The following GTF2H3 variants were observed in gnomAD, a reference collection of about 807,000 sequenced individuals.
GTF2H3 encodes the protein general transcription factor IIH subunit 3, also known as TFIIH basal transcription factor complex p34 subunit.
GTF2H3 carries 42 observed loss-of-function variants against 51.1 expected under a neutral mutation model. The ratio of observed to expected loss-of-function variants is 0.82; its 90% confidence interval spans 0.64 to 1.06. The LOEUF (loss-of-function observed/expected upper bound fraction) is 1.06. Among genes scored for constraint, GTF2H3 ranks in the 50% least tolerant of loss-of-function variants. The pLI, the probability that GTF2H3 is intolerant of heterozygous loss-of-function variation, is 0.00. For missense variants in GTF2H3, 326 were observed against 366.1 expected, an observed-to-expected ratio of 0.89 and a Z score of 0.89; for synonymous variants, 123 against 123.8, an observed-to-expected ratio of 0.99 and a Z score of 0.04.
At chr12:123,658,751 T>C (rs2135801639) in intron 9 of GTF2H3, among the ~76,000 whole-genome samples, 1 of 152,300 alleles carries the variant, frequency 6.6e-6, no homozygotes, top group South Asian at 2.1e-4. Context: ...TTTTTGTGCT[T>C]CCAAGGGCAC....
Position 123,652,844 on chromosome 12 carries a change from G to A in GTF2H3, c.486+109G>A, listed in dbSNP as rs538585506. 4.1e-4 allele frequency: 412 copies of A among 995,088 alleles called. 3 individuals carry two copies. The African/African-American group carries it at 6.0e-3, about 14-fold the overall frequency. 61.6% of individuals were successfully genotyped at this position (995,088 alleles called of 1,614,324 possible). On this transcript the variant is annotated intron_variant, in intron 7 of 12. Transcript: ENST00000543341. Reference sequence around the variant, plus strand: ...TGTTATCCCAGCACTTTGGGAGGCCGAGGTGGGCAGATCACTTGAGGTCAG... The same window carrying A: ...TGTTATCCCAGCACTTTGGGAGGCCAAGGTGGGCAGATCACTTGAGGTCAG...
chr12:123,640,200 C>G (rs1258920968), intron 2 of GTF2H3, among the ~76,000 whole-genome samples: 1 of 152,018 alleles, frequency 6.6e-6, no homozygotes, highest in African/African-American at 2.4e-5. Flanking sequence ...GTCCCACTCT[C>G]GACCACACCT....
rs985622002 is a variant in GTF2H3, at chr12:123,661,385, G to C, written c.*1150G>C. 6.6e-6 allele frequency: 1 copy of C among 152,172 alleles called. No individual in the cohort carries two copies. The highest frequency in any genetic ancestry group is 1.5e-5 in the Non-Finnish European group (1 of 68,072). 9.4% of individuals were successfully genotyped at this position (152,172 alleles called of 1,614,324 possible). On this transcript the variant is annotated 3_prime_UTR_variant, in exon 13 of 13. Transcript: ENST00000543341. Reference sequence around the variant, plus strand: ...AGGCCGGGCGTGGTGGCTCACCCCTGCAATCCCAGCACTTTGGGAGGCCGA... The same window carrying C: ...AGGCCGGGCGTGGTGGCTCACCCCTCCAATCCCAGCACTTTGGGAGGCCGA...
intron 9 of GTF2H3, among the ~76,000 whole-genome samples, chr12:123,657,219 C>A (rs1038438504): frequency 6.6e-6 from 1 of 151,842 alleles, no homozygotes; most frequent in Non-Finnish European, 1.5e-5. Flanking sequence ...TTGCACCAAC[C>A]TAATATAAAT....
At chr12:123,659,611 A>T in intron 10 of GTF2H3, 27 bp downstream of exon 10, 1 of 1,604,924 alleles carries the variant, frequency 6.2e-7, no homozygotes, top group Non-Finnish European at 8.5e-7. Context: ...GGCGACCCTG[A>T]TGCCTGGAGG....
chr12:123,638,609 C>G (rs956225539), intron 1 of GTF2H3, among the ~76,000 whole-genome samples: 2 of 151,894 alleles, frequency 1.3e-5, no homozygotes, highest in African/African-American at 2.4e-5. Flanking sequence ...CACACCTGGC[C>G]CTCGTTCAGT....
At position 123,633,888 on chromosome 12, in the gene GTF2H3, G is replaced by A. The variant is rs1955230608; in HGVS notation, c.13+16G>A. ...GTTTCAGACGGTGAGGACCCTGCAG[G>A]GCGGGACTTCGACTCCGGGGCTCGG... On this transcript the variant is annotated intron_variant, in intron 1 of 12. Transcript: ENST00000543341. The A allele has an allele frequency of 6.2e-7, 1 of 1,613,166 alleles. No homozygotes were observed. The highest frequency in any genetic ancestry group is 1.3e-5 in the African/African-American group (1 of 74,920).
At chr12:123,641,147 G>A (rs373618463) in intron 2 of GTF2H3, among the ~76,000 whole-genome samples, 17 of 151,656 alleles carry the variant, frequency 1.1e-4, no homozygotes, top group East Asian at 7.7e-4. Flanking sequence ...GCAAGACCCC[G>A]TCTCAAAAAA....
chr12:123,636,423 A>G (rs1955284210), intron 1 of GTF2H3, among the ~76,000 whole-genome samples: 1 of 152,262 alleles, frequency 6.6e-6, no homozygotes, highest in Non-Finnish European at 1.5e-5. Context: ...TGTAGAAGAC[A>G]GGACTGCAGG....
rs1256939506 is a variant in GTF2H3 at position 123,651,834 on chromosome 12, GA to G, written c.428-691del. On this transcript the variant is annotated intron_variant, in intron 5 of 12. Coordinates refer to ENST00000543341, the MANE Select transcript of GTF2H3 (RefSeq NM_001516.5). ...GACTACATCTCAAAAAAAAAAAAAA[GA>G]AAAAAAGATAAGCTGTAAAAACTGG... is the stretch of plus-strand genomic sequence containing the variant. Among the ~76,000 whole-genome samples, 16 of 149,136 alleles carry G rather than the reference GA, an allele frequency of 1.1e-4. No individual in the cohort carries two copies. In the South Asian group the frequency reaches 2.1e-3, roughly 20 times the overall value.
At chr12:123,647,875 T>G in intron 3 of GTF2H3, 88 bp from the exon 4 acceptor site, 1 of 798,004 alleles carries the variant, frequency 1.3e-6, no homozygotes, top group South Asian at 3.1e-5. Flanking sequence ...TAATTTTGTT[T>G]GTTGCCTCTG....
At chr12:123,655,872 AT>A in intron 9 of GTF2H3, 48 bp downstream of exon 9, 4 of 1,118,342 alleles carry the variant, frequency 3.6e-6, no homozygotes, top group Admixed American at 1.9e-5. Flanking sequence ...ACAATTAGTG[AT>A]TTTTATATTG....
In GTF2H3 at chr12:123,662,293, A is replaced by ATTTGTGT. The variant is rs1445223154; in HGVS notation, c.*2062_*2068dup. ...ATTTCAGATAGATTTTATATTCTGG[A>ATTTGTGT]TTTGTGTTTTTGTTAACAAATATAC... On this transcript the variant is annotated 3_prime_UTR_variant, in exon 13 of 13. Coordinates refer to ENST00000543341, the MANE Select transcript of GTF2H3 (RefSeq NM_001516.5). 1 of 152,064 alleles carries ATTTGTGT rather than the reference A, an allele frequency of 6.6e-6. No individual in the cohort carries two copies. The highest frequency in any genetic ancestry group is 1.5e-5 in the Non-Finnish European group (1 of 68,010). 9.4% of individuals were successfully genotyped at this position (152,064 alleles called of 1,614,324 possible). A position where few individuals can be genotyped will look rare whatever the true frequency, so the allele number is the denominator to read the frequency against.
At chr12:123,637,261 T>C (rs924142542) in intron 1 of GTF2H3, among the ~76,000 whole-genome samples, 1 of 152,002 alleles carries the variant, frequency 6.6e-6, no homozygotes. Context: ...TTAATGTGTT[T>C]GGGGTGGTGC....
chr12:123,646,392 G>A (rs991461477), intron 3 of GTF2H3, among the ~76,000 whole-genome samples: 1 of 151,872 alleles, frequency 6.6e-6, no homozygotes, highest in Non-Finnish European at 1.5e-5. Flanking sequence ...CTCCCAAGTA[G>A]CTGGGACTAC....
intron 1 of GTF2H3, among the ~76,000 whole-genome samples, chr12:123,638,641 A>G (rs1955321922): frequency 6.6e-6 from 1 of 151,984 alleles, no homozygotes; most frequent in Admixed American, 6.6e-5. Context: ...GAGCAGCTGC[A>G]ATGTGCTAGG....
intron 4 of GTF2H3, chr12:123,650,213 G>A (rs1955502838): frequency 6.6e-6 from 1 of 152,228 alleles, no homozygotes. Flanking sequence ...TTGCCCTCTT[G>A]AACTGCAGTT....
intron 5 of GTF2H3, among the ~76,000 whole-genome samples, chr12:123,651,556 A>T (rs1281164625): frequency 2.0e-5 from 3 of 151,686 alleles, no homozygotes; most frequent in Non-Finnish European, 2.9e-5. Flanking sequence ...GTGGTGGCTC[A>T]TGCCTGTAAT....
At chr12:123,641,535 T>G (rs1267124985) in intron 2 of GTF2H3, among the ~76,000 whole-genome samples, 1 of 145,192 alleles carries the variant, frequency 6.9e-6, no homozygotes, top group East Asian at 2.0e-4. Context: ...CCGTTTTTTT[T>G]TTTGTGTGTT....
Sources: gnomAD v4.1 joint callset for allele counts (sites outside exome capture counted in the v4.1 genomes callset) on GRCh38, gnomAD v4.1.1 for gene constraint, MANE v1.5 for transcripts, NCBI Gene and HGNC (gene_info 2026-07-23, HGNC 2026-07-21) for gene names.